NOS1AP: variants seen among roughly 807,000 people sequenced by gnomAD.
NOS1AP encodes the protein carboxyl-terminal PDZ ligand of neuronal nitric oxide synthase protein.
A neutral mutation model predicts 56.2 loss-of-function variants in NOS1AP; 21 were observed. The observed-to-expected ratio is 0.37, with a 90% CI of 0.26 to 0.54. The LOEUF (loss-of-function observed/expected upper bound fraction) is 0.54, where lower values mean the gene tolerates loss of function less well. Among genes scored for constraint, NOS1AP ranks in the 20% least tolerant of loss-of-function variants. The pLI is 0.84. For synonymous variants in NOS1AP, 270 were observed against 274.6 expected (o/e 0.98, Z 0.17); for missense variants, 522 against 657.8 (o/e 0.79, Z 2.26).
At chr1:162,076,413 T>C (rs1231931048) in intron 1 of NOS1AP, among the ~76,000 whole-genome samples, 1 of 152,256 alleles carries the variant, frequency 6.6e-6, no homozygotes, top group Non-Finnish European at 1.5e-5. Context: ...GATTGGCTTT[T>C]TACTATTGAG....
In NOS1AP at chr1:162,127,687, A is replaced by G. The variant is rs548957717; in HGVS notation, c.106-26718A>G. Among the ~76,000 whole-genome samples the G allele has an allele frequency of 7.9e-5, 12 of 152,322 alleles. No individual in the cohort carries two copies. In the East Asian group the frequency reaches 1.4e-3, roughly 17 times the overall value. On this transcript the variant is annotated intron_variant, in intron 1 of 9. Coordinates refer to ENST00000361897, the MANE Select transcript of NOS1AP (RefSeq NM_014697.3). The stretch of plus-strand genomic sequence containing the variant: ...ACTTCACAAGGCTGGATCAGAAGCA[A>G]TAGAGAGACGAAGGTGCCACACACT...
At chr1:162,199,595 CGT>C (rs58625856) in intron 2 of NOS1AP, among the ~76,000 whole-genome samples, 13,589 of 131,364 alleles carry the variant, frequency 0.1, 616 homozygotes, top group African/African-American at 0.18. Context: ...GCATGGATTG[CGT>C]GTGTGTGTGT....
intron 5 of NOS1AP, chr1:162,342,675 G>A (rs747313759): frequency 4.7e-6 from 2 of 425,376 alleles, no homozygotes; most frequent in South Asian, 3.6e-5. Flanking sequence ...CTGGATATCA[G>A]TTAGGTAATG....
intron 4 of NOS1AP, among the ~76,000 whole-genome samples, chr1:162,303,096 G>A (rs565942225): frequency 1.4e-4 from 21 of 152,200 alleles, no homozygotes; most frequent in African/African-American, 4.3e-4. Context: ...GGTGGTTTCC[G>A]GTTTTGGGCT....
intron 1 of NOS1AP, among the ~76,000 whole-genome samples, chr1:162,132,949 CACTT>C (rs1648815859): frequency 6.6e-6 from 1 of 152,206 alleles, no homozygotes; most frequent in African/African-American, 2.4e-5. Flanking sequence ...CAGAGCTATA[CACTT>C]ACTTGTCTTT....
intron 1 of NOS1AP, among the ~76,000 whole-genome samples, chr1:162,099,695 A>G: frequency 6.6e-6 from 1 of 151,868 alleles, no homozygotes; most frequent in Non-Finnish European, 1.5e-5. Flanking sequence ...GGTTTGTTAC[A>G]TATCTATACA....
chr1:162,322,123 A>G (rs182476464), intron 4 of NOS1AP, among the ~76,000 whole-genome samples: 158 of 152,364 alleles, frequency 1.0e-3, no homozygotes, highest in African/African-American at 3.6e-3. Flanking sequence ...ATTGAGAGTG[A>G]GTTGTCCCAG....
intron 2 of NOS1AP, among the ~76,000 whole-genome samples, chr1:162,192,741 A>G (rs1318615762): frequency 2.0e-5 from 3 of 152,194 alleles, no homozygotes; most frequent in African/African-American, 7.2e-5. Context: ...ACCTGTAGTC[A>G]GGTTTACCAG....
rs150268296 is a variant in NOS1AP, at chr1:162,103,928, C to T, written c.105+33646C>T. Among the ~76,000 whole-genome samples the T allele has an allele frequency of 3.7e-3, 563 of 152,252 alleles. 7 individuals carry two copies. The highest frequency in any genetic ancestry group is 0.013 in the African/African-American group (536 of 41,556). On this transcript the variant is annotated intron_variant, in intron 1 of 9. Coordinates refer to ENST00000361897, the MANE Select transcript of NOS1AP (RefSeq NM_014697.3). ...TACATTTAAGGTTAGTATTGTGATA[C>T]GTGAATTTGATTCTGTCATCATGAC...
At chr1:162,198,553 C>T (rs759967953) in intron 2 of NOS1AP, among the ~76,000 whole-genome samples, 3 of 152,200 alleles carry the variant, frequency 2.0e-5, no homozygotes, top group Non-Finnish European at 4.4e-5. Context: ...TGTTGCCTGA[C>T]TCTGAGAGGA....
chr1:162,222,303 C>T lies in NOS1AP; in HGVS notation c.178-65041C>T, dbSNP rs569880997. 4.6e-5 allele frequency among the ~76,000 whole-genome samples: 7 copies of T among 152,270 alleles called. No homozygotes were observed. In the East Asian group the frequency reaches 5.8e-4, roughly 13 times the overall value. On this transcript the variant is annotated intron_variant, in intron 2 of 9. Transcript: ENST00000361897. Reference sequence around the variant, plus strand: ...GAGCACAGCAGTGTTGTATACAATGCGGTATATAATATCTAACACGGCTAG... The same window carrying T: ...GAGCACAGCAGTGTTGTATACAATGTGGTATATAATATCTAACACGGCTAG...
chr1:162,322,475 C>T (rs1656453529), intron 4 of NOS1AP, among the ~76,000 whole-genome samples: 1 of 152,186 alleles, frequency 6.6e-6, no homozygotes, highest in Admixed American at 6.5e-5. Context: ...ACATGCTGAG[C>T]AGGTGGCATG....
At chr1:162,189,109 A>G (rs895717993) in intron 2 of NOS1AP, among the ~76,000 whole-genome samples, 1 of 152,194 alleles carries the variant, frequency 6.6e-6, no homozygotes, top group Non-Finnish European at 1.5e-5. Context: ...TTTTTCATGT[A>G]TATGAAGTTT....
rs185039511 is a variant in NOS1AP at position 162,080,306 on chromosome 1, A to C, written c.105+10024A>C. Among the ~76,000 whole-genome samples the C allele has an allele frequency of 2.0e-5, 3 of 152,286 alleles. 1 individual carries two copies. In the East Asian group the frequency reaches 5.8e-4, roughly 29 times the overall value. ...AGAATTCCTACTCTGTTAGTTAGAA[A>C]ACTAACCCCTGTTAGTTTTCTCTAG... On this transcript the variant is annotated intron_variant, in intron 1 of 9. Transcript: ENST00000361897.
At position 162,367,146 on chromosome 1, in the gene NOS1AP, T is replaced by C; in HGVS notation, c.1200T>C (p.His400=). 1 of 1,613,792 alleles carries C rather than the reference T, an allele frequency of 6.2e-7. No homozygotes were observed. Among genetic ancestry groups the C allele is most frequent in the East Asian group, 2.2e-5 (1 of 44,868 alleles). ...DPTTPKPEDL[H]SPPLGAGLAD... ...CGACCCCTAAGCCAGAGGACCTGCATTCGCCGCCGCTGGGCGCGGGCTTGG... is the reference window on the plus strand; with the variant it reads ...CGACCCCTAAGCCAGAGGACCTGCACTCGCCGCCGCTGGGCGCGGGCTTGG... The change falls in exon 10 of 10, where the codon CAT becomes CAC. Residue 400 remains histidine (H), a synonymous_variant. Transcript: ENST00000361897. This position sits in a 1 kb window ranked among gnomAD's most constrained non-coding sequence, Gnocchi z 6.5.
chr1:162,259,511 A>G (rs1029173237), intron 2 of NOS1AP, among the ~76,000 whole-genome samples: 2 of 152,230 alleles, frequency 1.3e-5, no homozygotes, highest in Admixed American at 6.5e-5. Flanking sequence ...GTGGAATTTC[A>G]TAAATATAGT....
chr1:162,353,894 C>T (rs1243720148), intron 6 of NOS1AP, among the ~76,000 whole-genome samples: 1 of 152,238 alleles, frequency 6.6e-6, no homozygotes, highest in African/African-American at 2.4e-5. Flanking sequence ...CCTGTGCTCC[C>T]CGCCTACTGG....
chr1:162,078,444 T>G (rs952303757), intron 1 of NOS1AP, among the ~76,000 whole-genome samples: 18 of 152,276 alleles, frequency 1.2e-4, no homozygotes, highest in African/African-American at 4.1e-4. Context: ...CAGGCTCTAC[T>G]CTCCTGTACC....
At chr1:162,093,598 A>C (rs1692178618) in intron 1 of NOS1AP, among the ~76,000 whole-genome samples, 1 of 152,034 alleles carries the variant, frequency 6.6e-6, no homozygotes, top group Non-Finnish European at 1.5e-5. Context: ...TTTGTTGCCC[A>C]GGCTGGAGTG....
Sources: allele counts gnomAD v4.1 joint callset (sites outside exome capture counted in the v4.1 genomes callset), GRCh38; gene constraint gnomAD v4.1.1; non-coding constraint Gnocchi (gnomAD v3.1); transcripts MANE v1.5; gene names NCBI Gene and HGNC (gene_info 2026-07-23, HGNC 2026-07-21).